Variants in TRIM50 observed in about 807,000 individuals in gnomAD.
TRIM50 encodes the protein E3 ubiquitin-protein ligase TRIM50.
A neutral mutation model predicts 44.9 loss-of-function variants in TRIM50; 34 were observed. That is an observed-to-expected ratio of 0.76 (90% CI 0.58 to 1.01). TRIM50 has a LOEUF of 1.01. Among genes scored for constraint, TRIM50 ranks in the 50% least tolerant of loss-of-function variants. TRIM50 has a pLI of 0.00. For synonymous variants in TRIM50, 307 were observed against 291.1 expected, an observed-to-expected ratio of 1.05 and a Z score of -0.56; for missense variants, 633 against 663.7, an observed-to-expected ratio of 0.95 and a Z score of 0.51.
chr7:73,313,394 G>A lies in TRIM50; in HGVS notation c.991C>T (p.Arg331Cys), dbSNP rs1473078895. 8.8e-6 allele frequency: 14 copies of A among 1,584,782 alleles called. No homozygotes were observed. Among genetic ancestry groups the A allele is most frequent in the African/African-American group, 6.7e-5 (5 of 74,482 alleles). Residue 331 changes from arginine to cysteine, a missense_variant, in exon 7 of 7, where the codon CGC (arginine) becomes TGC (cysteine). Coordinates refer to ENST00000333149, the MANE Select transcript of TRIM50 (RefSeq NM_178125.3). The surrounding 1 kb of genome is among the most constrained non-coding windows in gnomAD (Gnocchi z 4.9). ...AGGACGCAGGTGCTGTAGTCGAAGC[G>A]CTCAGGCTGGCTGGCTCGCCGCTGG... ...LAQRRASQPE[R>C]FDYSTCVLAS...
chr7:73,319,718 T>C (rs570815878), intron 3 of TRIM50, among the ~76,000 whole-genome samples: 7 of 152,270 alleles, frequency 4.6e-5, no homozygotes, highest in Admixed American at 2.6e-4. Flanking sequence ...GCACTATGGC[T>C]CCCAGCCCCA....
intron 1 of TRIM50, among the ~76,000 whole-genome samples, chr7:73,326,468 T>C (rs567953032): frequency 8.6e-5 from 13 of 151,852 alleles, no homozygotes; most frequent in Middle Eastern, 3.4e-3. Context: ...TAAATCAAGG[T>C]ATAACATATA....
Position 73,316,546 on chromosome 7 carries a change from G to C in TRIM50, c.874+19C>G, listed in dbSNP as rs781923486. The C allele has an allele frequency of 3.1e-6, 5 of 1,613,638 alleles. No homozygotes were observed. The African/African-American group carries it at 6.7e-5, about 22-fold the overall frequency. On this transcript the variant is annotated intron_variant, in intron 6 of 6. Transcript: ENST00000333149. The stretch of plus-strand genomic sequence containing the variant: ...CCTGGGCGGCAGCCCTCAGGAAGGA[G>C]GACGGGTCAGGGCCTCACCTGGCAA...
At chr7:73,319,673 C>T (rs186334694) in intron 3 of TRIM50, among the ~76,000 whole-genome samples, 1 of 152,338 alleles carries the variant, frequency 6.6e-6, no homozygotes, top group East Asian at 1.9e-4. Context: ...TTGCCCGGCT[C>T]CTGTTTCTGT....
intron 2 of TRIM50, among the ~76,000 whole-genome samples, chr7:73,320,787 G>A (rs1249189000): frequency 6.6e-6 from 1 of 152,050 alleles, no homozygotes; most frequent in Admixed American, 6.6e-5. Context: ...CAGCATTTTG[G>A]GAGGCCGAGG....
intron 6 of TRIM50, chr7:73,314,899 G>T: frequency 4.6e-6 from 1 of 218,888 alleles, no homozygotes; most frequent in Non-Finnish European, 9.1e-6. Flanking sequence ...CACGCAACAT[G>T]GGTCCCATCA....
At chr7:73,319,984 C>T (rs1804455778) in intron 3 of TRIM50, among the ~76,000 whole-genome samples, 163 bp downstream of exon 3, 1 of 152,220 alleles carries the variant, frequency 6.6e-6, no homozygotes, top group South Asian at 2.1e-4. Context: ...GGGTTGAATT[C>T]CCCTGAGAGG....
Position 73,313,654 on chromosome 7 carries a change from A to G in TRIM50, c.875-144T>C, listed in dbSNP as rs1804289880. The G allele has an allele frequency of 3.3e-6, 2 of 612,844 alleles. No homozygotes were observed. The highest frequency in any genetic ancestry group is 5.6e-6 in the Non-Finnish European group (2 of 359,870). The allele number at this position is 612,844 out of a possible 1,614,324, so 38.0% of individuals were successfully genotyped here. On this transcript the variant is annotated intron_variant, in intron 6 of 6. Coordinates refer to ENST00000333149, the MANE Select transcript of TRIM50 (RefSeq NM_178125.3). The surrounding 1 kb of genome is among the most constrained non-coding windows in gnomAD (Gnocchi z 4.9). ...CTAGCCCCAGGGTCTAGAAGGGGCC[A>G]GTACAGGGCTGCTCCCTGAATGAAT...
chr7:73,326,195 CCTCT>C (rs1267229022), intron 1 of TRIM50, among the ~76,000 whole-genome samples: 4 of 151,204 alleles, frequency 2.6e-5, no homozygotes, highest in African/African-American at 9.7e-5. Flanking sequence ...CCCAGCCTTC[CCTCT>C]CTCTCTCTTT....
At chr7:73,326,269 T>G (rs1480370038) in intron 1 of TRIM50, among the ~76,000 whole-genome samples, 2 of 151,842 alleles carry the variant, frequency 1.3e-5, no homozygotes, top group Non-Finnish European at 2.9e-5. Flanking sequence ...CATTTTATTG[T>G]TTTATTTATT....
rs1554543286 is a variant in TRIM50, at chr7:73,313,114, T to C, written c.1271A>G (p.Glu424Gly). The C allele has an allele frequency of 1.9e-6, 3 of 1,593,316 alleles. No individual in the cohort carries two copies. The Admixed American group carries it at 5.3e-5, about 28-fold the overall frequency. The change falls in exon 7 of 7, where the codon GAA becomes GGA. Residue 424 changes from glutamate to glycine, a missense_variant. By Grantham distance (98) the Glu-to-Gly change is moderately conservative. Coordinates refer to ENST00000333149, the MANE Select transcript of TRIM50 (RefSeq NM_178125.3). The surrounding 1 kb of genome is among the most constrained non-coding windows in gnomAD (Gnocchi z 4.9). Reference protein sequence around the residue: ...IGLYLHYEQGELTFFDADRPD... With the variant: ...IGLYLHYEQGGLTFFDADRPD... ...GCGGTCGGCATCGAAGAAGGTGAGTTCGCCCTGCTCATAGTGCAGGTAGAG... is the reference window on the plus strand; with the variant it reads ...GCGGTCGGCATCGAAGAAGGTGAGTCCGCCCTGCTCATAGTGCAGGTAGAG...
At chr7:73,323,720 T>C (rs13228429) in intron 2 of TRIM50, among the ~76,000 whole-genome samples, 2 of 152,134 alleles carry the variant, frequency 1.3e-5, no homozygotes, top group Non-Finnish European at 2.9e-5. Context: ...TCATGCACCA[T>C]AGAGTGCAAA....
At position 73,318,596 on chromosome 7, in the gene TRIM50, G is replaced by A. The variant is rs1187506072; in HGVS notation, c.749+91C>T. 73 of 1,610,494 alleles carry A rather than the reference G, an allele frequency of 4.5e-5. 1 individual carries two copies. The highest frequency in any genetic ancestry group is 3.4e-4 in the South Asian group (31 of 90,946). On this transcript the variant is annotated intron_variant, in intron 5 of 6. Coordinates refer to ENST00000333149, the MANE Select transcript of TRIM50 (RefSeq NM_178125.3). Reference sequence around the variant, plus strand: ...AGCTGTGGGCAGCTGCTTGGGAGGCGCTGGTTAAACCGAATGGAGGAACCA... The same window carrying A: ...AGCTGTGGGCAGCTGCTTGGGAGGCACTGGTTAAACCGAATGGAGGAACCA...
At chr7:73,316,864 TC>T in intron 5 of TRIM50, 175 bp from the exon 6 acceptor site, 3 of 936,598 alleles carry the variant, frequency 3.2e-6, no homozygotes, top group Non-Finnish European at 4.6e-6. Context: ...CCCATCTCCT[TC>T]CTAGAAGGGG....
At chr7:73,315,036 T>C in intron 6 of TRIM50, 1 of 347,916 alleles carries the variant, frequency 2.9e-6, no homozygotes. Flanking sequence ...TCACACAGGT[T>C]AACTTGGAAG....
intron 5 of TRIM50, among the ~76,000 whole-genome samples, chr7:73,317,972 A>C (rs1192919504): frequency 6.6e-6 from 1 of 152,146 alleles, no homozygotes; most frequent in East Asian, 1.9e-4. Context: ...CCTTACACCC[A>C]GCCACCCTGA....
At chr7:73,324,332 G>A in intron 2 of TRIM50, 57 bp downstream of exon 2, 3 of 1,612,760 alleles carry the variant, frequency 1.9e-6, no homozygotes, top group South Asian at 1.1e-5. Context: ...GCACCAGAGA[G>A]CACAGGATCT....
chr7:73,323,291 C>G (rs1232753191), intron 2 of TRIM50, among the ~76,000 whole-genome samples: 2 of 152,156 alleles, frequency 1.3e-5, no homozygotes. Context: ...CCGCAGCTTA[C>G]CTCGCTGGCC....
rs1804291500 is a variant in TRIM50, at chr7:73,313,685, A to T, written c.875-175T>A. ...GGGCTGCTCCCTGAATGAATGAATG[A>T]ATGAATGAATGAATGAATGAATGAA... On this transcript the variant is annotated intron_variant, in intron 6 of 6. Coordinates refer to ENST00000333149, the MANE Select transcript of TRIM50 (RefSeq NM_178125.3). The surrounding 1 kb of genome is among the most constrained non-coding windows in gnomAD (Gnocchi z 4.9). 6.6e-6 allele frequency among the ~76,000 whole-genome samples: 1 copy of T among 152,024 alleles called. No individual in the cohort carries two copies. The highest frequency in any genetic ancestry group is 1.5e-5 in the Non-Finnish European group (1 of 67,990).
Sources: allele counts gnomAD v4.1 joint callset (sites outside exome capture counted in the v4.1 genomes callset), GRCh38; gene constraint gnomAD v4.1.1; non-coding constraint Gnocchi (gnomAD v3.1); transcripts MANE v1.5; gene names NCBI Gene and HGNC (gene_info 2026-07-23, HGNC 2026-07-21).